The following DHX36 variants were observed in gnomAD, a reference collection of about 807,000 sequenced individuals.
DHX36 encodes the protein DEAH-box helicase 36, also known as ATP-dependent DNA/RNA helicase DHX36.
DHX36 carries 50 observed loss-of-function variants against 139.0 expected under a neutral mutation model. The observed-to-expected ratio is 0.36, with a 90% CI of 0.29 to 0.46. The LOEUF is 0.46. Ranked by LOEUF, DHX36 falls within the 20% of genes least tolerant of loss-of-function variation. The probability of loss-of-function intolerance (pLI) is 1.00; values close to 1 mark genes in which losing one functional copy is unlikely to be tolerated. For missense variants in DHX36, 1,024 were observed against 1,211.3 expected (o/e 0.85, Z 2.29); for synonymous variants, 425 against 401.9 (o/e 1.06, Z -0.69).
In DHX36 at chr3:154,304,836, A is replaced by G. The variant is rs751336955; in HGVS notation, c.1105T>C (p.Leu369=). The G allele has an allele frequency of 1.7e-5, 28 of 1,600,520 alleles. No homozygotes were observed. Among genetic ancestry groups the G allele is most frequent in the African/African-American group, 4.0e-5 (3 of 74,130 alleles). The change falls in exon 8 of 25, where the codon TTG becomes CTG. Residue 369 remains leucine (L), a synonymous_variant. Coordinates refer to ENST00000496811, the MANE Select transcript of DHX36 (RefSeq NM_020865.3). The part of the protein sequence containing the change: ...DLKVILMSAT[L]NAEKFSEYFG... ...TATTCTGAAAACTTTTCTGCATTCAATGTTGCACTCATCAATATTACTTTC... is the reference window on the plus strand; with the variant it reads ...TATTCTGAAAACTTTTCTGCATTCAGTGTTGCACTCATCAATATTACTTTC...
At chr3:154,305,199 T>A (rs1176656381) in intron 6 of DHX36, 31 bp from the exon 7 acceptor site, 1 of 1,580,798 alleles carries the variant, frequency 6.3e-7, no homozygotes, top group East Asian at 2.2e-5. Context: ...TTAATAAGCC[T>A]TGGTTTTCTC....
At chr3:154,300,825 G>T in intron 10 of DHX36, 129 bp from the exon 11 acceptor site, 2 of 1,245,896 alleles carry the variant, frequency 1.6e-6, no homozygotes, top group Non-Finnish European at 2.3e-6. Context: ...AATTACTGGG[G>T]TAATTACTGC....
intron 5 of DHX36, among the ~76,000 whole-genome samples, chr3:154,306,546 G>A (rs1712508257): frequency 6.6e-6 from 1 of 152,074 alleles, no homozygotes; most frequent in Non-Finnish European, 1.5e-5. Context: ...CCTTTCTATA[G>A]CATCCTCTCA....
In DHX36 at chr3:154,324,453, C is replaced by T. The variant is rs541834916; in HGVS notation, c.-37G>A. On this transcript the variant is annotated 5_prime_UTR_variant, in exon 1 of 25. Coordinates refer to ENST00000496811, the MANE Select transcript of DHX36 (RefSeq NM_020865.3). ...ACTACAACCCGTCAGAACCAGCAAC[C>T]GCTGGAAATGGCGTCCGGGCCCGGA... 6.2e-6 allele frequency: 9 copies of T among 1,448,710 alleles called. No homozygotes were observed. In the East Asian group the frequency reaches 2.2e-4, roughly 36 times the overall value. The allele number at this position is 1,448,710 out of a possible 1,614,324, so 89.7% of individuals were successfully genotyped here.
At chr3:154,294,586 TTC>T (rs1181763594) in intron 13 of DHX36, among the ~76,000 whole-genome samples, 3 of 152,304 alleles carry the variant, frequency 2.0e-5, no homozygotes, top group East Asian at 3.9e-4. Flanking sequence ...GCCCCCTCTC[TTC>T]TCTCAGGTAT....
chr3:154,299,116 G>A (rs370132453), intron 12 of DHX36, among the ~76,000 whole-genome samples: 1 of 151,378 alleles, frequency 6.6e-6, no homozygotes, highest in African/African-American at 2.4e-5. Context: ...TACTAAAAAT[G>A]CAGAAAGTCA....
chr3:154,299,253 C>G (rs999725681), intron 12 of DHX36, among the ~76,000 whole-genome samples: 3 of 152,158 alleles, frequency 2.0e-5, no homozygotes, highest in Non-Finnish European at 4.4e-5. Context: ...AACCTGGCAA[C>G]AGAGCGAGAC....
intron 17 of DHX36, among the ~76,000 whole-genome samples, chr3:154,288,299 A>G (rs975525001): frequency 6.6e-6 from 1 of 152,106 alleles, no homozygotes; most frequent in African/African-American, 2.4e-5. Context: ...GGGTTCATGT[A>G]AAGTTCACAA....
Position 154,277,715 on chromosome 3 carries a change from T to C in DHX36, c.2571A>G (p.Val857=), listed in dbSNP as rs572683692. The change falls in exon 23 of 25, where the codon GTA becomes GTG. Residue 857 remains valine (V), a synonymous_variant. Transcript: ENST00000496811. ...RLNLGKKRKM[V]KVYTKTDGLV... is the part of the protein sequence containing the mutation. ...GGCCATCGGTTTTTGTGTAAACTTT[T>C]ACCCTTTAAAAAAAGTTAAAATGCA... 6.9e-6 allele frequency: 11 copies of C among 1,596,898 alleles called. No individual in the cohort carries two copies. The highest frequency in any genetic ancestry group is 8.5e-6 in the Non-Finnish European group (10 of 1,170,574).
intron 20 of DHX36, among the ~76,000 whole-genome samples, chr3:154,282,196 AGACACTAAT>A (rs1719353811): frequency 6.6e-6 from 1 of 152,162 alleles, no homozygotes. Flanking sequence ...ATTTGTATGC[AGACACTAAT>A]GTCTACTGTT....
intron 13 of DHX36, 61 bp downstream of exon 13, chr3:154,295,223 G>T: frequency 1.0e-6 from 1 of 961,438 alleles, no homozygotes; most frequent in Non-Finnish European, 1.6e-6. Flanking sequence ...CACGTAACAA[G>T]CAGTCCTTAA....
At chr3:154,323,408 G>A (rs1248609466) in intron 1 of DHX36, among the ~76,000 whole-genome samples, 1 of 151,626 alleles carries the variant, frequency 6.6e-6, no homozygotes, top group African/African-American at 2.4e-5. Context: ...CTTTTAAAAA[G>A]TCACCAAAGG....
chr3:154,316,195 C>G (rs747530789), intron 1 of DHX36, 32 bp from the exon 2 acceptor site: 11 of 1,609,278 alleles, frequency 6.8e-6, no homozygotes, highest in Non-Finnish European at 8.5e-6. Flanking sequence ...GCATCCTTGT[C>G]AACATAAGAA....
At chr3:154,315,931 A>C in intron 2 of DHX36, 108 bp downstream of exon 2, 1 of 1,324,310 alleles carries the variant, frequency 7.6e-7, no homozygotes, top group Non-Finnish European at 1.0e-6. Flanking sequence ...ATAAGGAAAA[A>C]AAGTACGTAA....
In DHX36 at chr3:154,274,899, G is replaced by A. The variant is rs1358495540; in HGVS notation, c.*1272C>T. 6.6e-6 allele frequency: 1 copy of A among 152,094 alleles called. No individual in the cohort carries two copies. Among genetic ancestry groups the A allele is most frequent in the Non-Finnish European group, 1.5e-5 (1 of 68,016 alleles). 9.4% of individuals were successfully genotyped at this position (152,094 alleles called of 1,614,324 possible). On this transcript the variant is annotated 3_prime_UTR_variant, in exon 25 of 25. Coordinates refer to ENST00000496811, the MANE Select transcript of DHX36 (RefSeq NM_020865.3). The stretch of plus-strand genomic sequence containing the variant: ...AACAGTATTTATCACAATCTGATAG[G>A]GCTGAAAATGTACAGCATGTGTTGT...
At chr3:154,292,376 C>T (rs748280743) in intron 15 of DHX36, among the ~76,000 whole-genome samples, 175 bp downstream of exon 15, 5 of 152,116 alleles carry the variant, frequency 3.3e-5, no homozygotes. Context: ...TTGGCAGATA[C>T]TTTTCCAAAC....
intron 18 of DHX36, 72 bp from the exon 19 acceptor site, chr3:154,284,741 G>A (rs1313841594): frequency 5.7e-6 from 9 of 1,591,536 alleles, no homozygotes; most frequent in African/African-American, 1.4e-5. Context: ...CTAATAAAAC[G>A]CTAATGAAAA....
chr3:154,316,983 A>C (rs898457729), intron 1 of DHX36, among the ~76,000 whole-genome samples: 5 of 152,080 alleles, frequency 3.3e-5, no homozygotes, highest in Non-Finnish European at 5.9e-5. Flanking sequence ...GGTGAAAATT[A>C]GAGTGTGTTA....
In DHX36 at chr3:154,324,374, G is replaced by A; in HGVS notation, c.43C>T (p.Pro15Ser). The A allele has an allele frequency of 6.3e-6, 10 of 1,588,218 alleles. No homozygotes were observed. The highest frequency in any genetic ancestry group is 8.6e-6 in the Non-Finnish European group (10 of 1,164,942). The change falls in exon 1 of 25, where the codon CCC becomes TCC. Residue 15 changes from proline to serine, a missense_variant. By Grantham distance (74) the Pro-to-Ser change is moderately conservative. Coordinates refer to ENST00000496811, the MANE Select transcript of DHX36 (RefSeq NM_020865.3). Reference sequence around the variant, plus strand: ...CCATAGCCCCCACCGGAGCTGCGGGGACCCCCATCACGGCCCCAGTTCTGA... The same window carrying A: ...CCATAGCCCCCACCGGAGCTGCGGGAACCCCCATCACGGCCCCAGTTCTGA... ...YHQNWGRDGG[P>S]RSSGGGYGGG... is the part of the protein sequence containing the mutation.
Sources: allele counts gnomAD v4.1 joint callset (sites outside exome capture counted in the v4.1 genomes callset), GRCh38; gene constraint gnomAD v4.1.1; transcripts MANE v1.5; gene names NCBI Gene and HGNC (gene_info 2026-07-23, HGNC 2026-07-21).